CDH10: variants seen among roughly 807,000 people sequenced by gnomAD.
CDH10 encodes cadherin 10.
Under a neutral mutation model 73.1 loss-of-function variants are expected in CDH10, and 30 were observed. The observed-to-expected ratio is 0.41, with a 90% CI of 0.31 to 0.56. The LOEUF (loss-of-function observed/expected upper bound fraction) is 0.56, where lower values mean the gene tolerates loss of function less well. Ranked by LOEUF, CDH10 falls within the 20% of genes least tolerant of loss-of-function variation. CDH10 has a pLI of 0.27. For synonymous variants in CDH10, 345 were observed against 348.2 expected (o/e 0.99, Z 0.10); for missense variants, 815 against 973.7 (o/e 0.84, Z 2.17).
chr5:24,550,052 C>A (rs1355352755), intron 2 of CDH10, among the ~76,000 whole-genome samples: 1 of 151,992 alleles, frequency 6.6e-6, no homozygotes. Flanking sequence ...GATAAAATCA[C>A]TGAAGAGAAT....
intron 5 of CDH10, among the ~76,000 whole-genome samples, chr5:24,518,055 C>G (rs1743175943): frequency 6.6e-6 from 1 of 152,114 alleles, no homozygotes; most frequent in Non-Finnish European, 1.5e-5. Context: ...CTGTGGTATC[C>G]ACAATGGATT....
At chr5:24,538,642 A>T (rs1002806875) in intron 2 of CDH10, among the ~76,000 whole-genome samples, 1 of 152,002 alleles carries the variant, frequency 6.6e-6, no homozygotes, top group African/African-American at 2.4e-5. Context: ...GAGTACATAT[A>T]CTACTGTACT....
intron 2 of CDH10, among the ~76,000 whole-genome samples, chr5:24,574,284 C>CT (rs1362250095): frequency 2.0e-5 from 3 of 152,038 alleles, no homozygotes; most frequent in Non-Finnish European, 4.4e-5. Context: ...AAATATGTCA[C>CT]TTTTTTCAAA....
intron 5 of CDH10, among the ~76,000 whole-genome samples, chr5:24,512,544 C>T (rs1330766360): frequency 1.3e-5 from 2 of 152,078 alleles, no homozygotes; most frequent in Non-Finnish European, 2.9e-5. Context: ...ACAGCAGGAA[C>T]AAAGGACAGT....
In CDH10 at chr5:24,487,608, G is replaced by C. The variant is rs1741885988; in HGVS notation, c.*55C>G. ...CCTGAATATCAAATATTGTGAAGTG[G>C]AGACAGCATGGGTAGAGTTACTTTC... On this transcript the variant is annotated 3_prime_UTR_variant, in exon 12 of 12. Coordinates refer to ENST00000264463, the MANE Select transcript of CDH10 (RefSeq NM_006727.5). The C allele has an allele frequency of 1.3e-6, 2 of 1,513,632 alleles. No individual in the cohort carries two copies. The highest frequency in any genetic ancestry group is 1.8e-6 in the Non-Finnish European group (2 of 1,121,312). 93.8% of individuals were successfully genotyped at this position (1,513,632 alleles called of 1,614,324 possible). A position where few individuals can be genotyped will look rare whatever the true frequency, so the allele number is the denominator to read the frequency against.
At chr5:24,620,371 G>A (rs10942065) in intron 1 of CDH10, among the ~76,000 whole-genome samples, 1 of 151,930 alleles carries the variant, frequency 6.6e-6, no homozygotes, top group East Asian at 1.9e-4. Flanking sequence ...CAAATTGGTT[G>A]AGAAAAAAAA....
chr5:24,621,909 G>T (rs144918486), intron 1 of CDH10, among the ~76,000 whole-genome samples: 1 of 152,140 alleles, frequency 6.6e-6, no homozygotes, highest in South Asian at 2.1e-4. Flanking sequence ...GAGACATGAC[G>T]GAATGTTATA....
At chr5:24,549,593 C>T (rs1428369656) in intron 2 of CDH10, among the ~76,000 whole-genome samples, 2 of 147,024 alleles carry the variant, frequency 1.4e-5, no homozygotes, top group Non-Finnish European at 3.0e-5. Context: ...ATCTTGTCTC[C>T]CAGGCTGAAG....
chr5:24,607,536 C>A (rs934241160), intron 1 of CDH10, among the ~76,000 whole-genome samples: 1 of 152,108 alleles, frequency 6.6e-6, no homozygotes, highest in East Asian at 1.9e-4. Context: ...ATTTTTATGA[C>A]TTATACGCTA....
intron 2 of CDH10, among the ~76,000 whole-genome samples, chr5:24,587,140 G>C (rs1305594738): frequency 2.0e-5 from 3 of 152,046 alleles, no homozygotes; most frequent in African/African-American, 7.2e-5. Context: ...CACCGCGCCC[G>C]GCCGCCCATA....
At chr5:24,583,655 TG>T (rs1218370630) in intron 2 of CDH10, among the ~76,000 whole-genome samples, 1 of 152,332 alleles carries the variant, frequency 6.6e-6, no homozygotes, top group African/African-American at 2.4e-5. Flanking sequence ...TTTGTTTGTT[TG>T]TTTTTTTGAG....
At chr5:24,580,317 T>A (rs946625588) in intron 2 of CDH10, among the ~76,000 whole-genome samples, 3 of 152,172 alleles carry the variant, frequency 2.0e-5, no homozygotes, top group African/African-American at 7.2e-5. Flanking sequence ...TACCTTTTGT[T>A]TAACTATTTT....
chr5:24,627,461 T>C (rs1225592331), intron 1 of CDH10, among the ~76,000 whole-genome samples: 3 of 152,162 alleles, frequency 2.0e-5, no homozygotes, highest in African/African-American at 7.2e-5. Flanking sequence ...TCACATATTT[T>C]TTCCTCTCAG....
intron 2 of CDH10, among the ~76,000 whole-genome samples, chr5:24,561,285 T>A (rs578150055): frequency 6.6e-6 from 1 of 152,304 alleles, no homozygotes; most frequent in Non-Finnish European, 1.5e-5. Flanking sequence ...AAATTTCATA[T>A]CCTATACTAG....
Position 24,608,581 on chromosome 5 carries a change from G to A in CDH10, c.-123-14968C>T, listed in dbSNP as rs186659602. On this transcript the variant is annotated intron_variant, in intron 1 of 11. Coordinates refer to ENST00000264463, the MANE Select transcript of CDH10 (RefSeq NM_006727.5). ...GCCAGAATTACAGGCGTGAGCCACC[G>A]CACCTGGCCTACATTCTGAATGTTT... 4.2e-3 allele frequency among the ~76,000 whole-genome samples: 640 copies of A among 152,238 alleles called. 5 individuals are homozygous for A. Among genetic ancestry groups the A allele is most frequent in the African/African-American group, 0.011 (447 of 41,562 alleles).
intron 1 of CDH10, among the ~76,000 whole-genome samples, chr5:24,625,900 T>G (rs1405190788): frequency 6.6e-6 from 1 of 151,832 alleles, no homozygotes; most frequent in East Asian, 1.9e-4. Flanking sequence ...CTGAAAAAAT[T>G]TTACTATCCT....
chr5:24,513,461 G>A (rs1345448888), intron 5 of CDH10, among the ~76,000 whole-genome samples: 1 of 152,114 alleles, frequency 6.6e-6, no homozygotes, highest in East Asian at 1.9e-4. Flanking sequence ...CAAGGAGAGA[G>A]GCTTCAGAAA....
intron 1 of CDH10, among the ~76,000 whole-genome samples, chr5:24,623,815 T>C (rs1449149442): frequency 2.6e-5 from 4 of 152,184 alleles, no homozygotes; most frequent in Admixed American, 2.6e-4. Context: ...GGGATTTGCC[T>C]CGCAGCATGT....
Position 24,509,714 on chromosome 5 carries a change from T to C in CDH10, c.1108A>G (p.Ile370Val), listed in dbSNP as rs1742827062. ...YYLGPFKDTTIVKISIEDVDE... is the reference protein window; with the variant it reads ...YYLGPFKDTTVVKISIEDVDE... ...ACATCTTCTATAGAGATTTTCACTA[T>C]GGTAGTATCTTTAAATGGTCCTAGG... The change falls in exon 7 of 12, where the codon ATA (isoleucine) becomes GTA (valine). Residue 370 changes from isoleucine to valine, a missense_variant. Physicochemically the swap from Ile to Val is conservative, Grantham distance 29. Around this residue, in one of 3 missense-constraint regions of CDH10, gnomAD observed 516 missense variants for 636.6 expected, o/e 0.81. Coordinates refer to ENST00000264463, the MANE Select transcript of CDH10 (RefSeq NM_006727.5). The C allele has an allele frequency of 1.9e-6, 3 of 1,613,382 alleles. No homozygotes were observed. Among genetic ancestry groups the C allele is most frequent in the Non-Finnish European group, 1.7e-6 (2 of 1,179,454 alleles).
Sources: allele counts gnomAD v4.1 joint callset (sites outside exome capture counted in the v4.1 genomes callset), GRCh38; gene constraint gnomAD v4.1.1; regional missense constraint gnomAD v4.1.1; transcripts MANE v1.5; gene names NCBI Gene and HGNC (gene_info 2026-07-23, HGNC 2026-07-21).